SNX18: variants seen among roughly 807,000 people sequenced by gnomAD.
SNX18 encodes sorting nexin 18, also known as sorting nexin-18.
In SNX18, 35 loss-of-function variants were observed where a neutral mutation model predicts 48.7. The observed-to-expected ratio is 0.72, with a 90% confidence interval of 0.55 to 0.95. The LOEUF is 0.95. SNX18 is among the 40% of genes least tolerant of loss of function. The pLI is 0.00. For missense variants in SNX18, 824 were observed against 871.0 expected, an observed-to-expected ratio of 0.95 and a Z score of 0.68; for synonymous variants, 492 against 384.7, an observed-to-expected ratio of 1.28 and a Z score of -3.26.
chr5:54,575,577 G>A, the SNX18 span, among the ~76,000 whole-genome samples: 1 of 151,912 alleles, frequency 6.6e-6, no homozygotes, highest in Non-Finnish European at 1.5e-5. Flanking sequence ...TCTTGGTCAG[G>A]CTGGTCTCAA....
chr5:54,585,480 T>G, the SNX18 span, among the ~76,000 whole-genome samples: 1 of 152,200 alleles, frequency 6.6e-6, no homozygotes, highest in Admixed American at 6.5e-5. Flanking sequence ...GAGGCCTGGT[T>G]CCAGCCTGCT....
At chr5:54,637,014 G>A in the SNX18 span, among the ~76,000 whole-genome samples, 1 of 152,182 alleles carries the variant, frequency 6.6e-6, no homozygotes, top group Non-Finnish European at 1.5e-5. Flanking sequence ...AAGTTTAAGA[G>A]ACTAATGAGG....
chr5:54,531,428 A>G (rs1762251872), intron 1 of SNX18, among the ~76,000 whole-genome samples: 1 of 151,986 alleles, frequency 6.6e-6, no homozygotes. Context: ...TTTTTCTTTT[A>G]TTGTGTTTTT....
At chr5:54,611,330 G>T in the SNX18 span, among the ~76,000 whole-genome samples, 3 of 152,138 alleles carry the variant, frequency 2.0e-5, no homozygotes, top group Middle Eastern at 6.8e-3. Context: ...TGCCCAAGAT[G>T]GTCCTTTCCC....
chr5:54,520,826 C>G (rs1359833220), intron 1 of SNX18: 3 of 167,072 alleles, frequency 1.8e-5, no homozygotes, highest in Non-Finnish European at 2.9e-5. Flanking sequence ...GGAGAATGAT[C>G]AAACGTTTTC....
At chr5:54,558,003 G>A in the SNX18 span, among the ~76,000 whole-genome samples, 3 of 152,088 alleles carry the variant, frequency 2.0e-5, no homozygotes, top group African/African-American at 7.3e-5. Context: ...CAAAGTGCTG[G>A]GATTATAGGT....
the SNX18 span, among the ~76,000 whole-genome samples, chr5:54,564,433 CT>C: frequency 6.6e-6 from 1 of 152,100 alleles, no homozygotes; most frequent in South Asian, 2.1e-4. Flanking sequence ...ACTTCTTTGA[CT>C]AAGTTTATCA....
At chr5:54,631,978 C>T in the SNX18 span, among the ~76,000 whole-genome samples, 2 of 152,196 alleles carry the variant, frequency 1.3e-5, no homozygotes, top group African/African-American at 2.4e-5. Flanking sequence ...GAGAACTGTA[C>T]TCCCACCCCC....
the SNX18 span, among the ~76,000 whole-genome samples, chr5:54,635,786 TCTG>T: frequency 6.6e-6 from 1 of 152,240 alleles, no homozygotes; most frequent in Admixed American, 6.5e-5. Flanking sequence ...GATTTAATGC[TCTG>T]CTGCTGCCAT....
chr5:54,623,899 G>C, the SNX18 span, among the ~76,000 whole-genome samples: 1 of 152,160 alleles, frequency 6.6e-6, no homozygotes, highest in East Asian at 1.9e-4. Context: ...TATGGCTTCA[G>C]CATGTAGAAC....
chr5:54,521,890 A>G (rs958878521), intron 1 of SNX18, among the ~76,000 whole-genome samples: 1 of 152,144 alleles, frequency 6.6e-6, no homozygotes, highest in African/African-American at 2.4e-5. Context: ...TTTAAATTAT[A>G]GAACTGGATT....
the SNX18 span, among the ~76,000 whole-genome samples, chr5:54,647,452 A>G: frequency 5.3e-5 from 8 of 152,190 alleles, no homozygotes; most frequent in African/African-American, 1.9e-4. Context: ...CACCTAGAGG[A>G]GAGGAAAGAA....
chr5:54,529,536 G>C (rs1762213499), intron 1 of SNX18, among the ~76,000 whole-genome samples: 1 of 152,160 alleles, frequency 6.6e-6, no homozygotes, highest in Non-Finnish European at 1.5e-5. Flanking sequence ...CCCTTGACTT[G>C]GATGACAAGC....
chr5:54,525,459 C>A (rs1762113591), intron 1 of SNX18, among the ~76,000 whole-genome samples: 1 of 152,096 alleles, frequency 6.6e-6, no homozygotes. Context: ...AACCTATTGC[C>A]ACCAGAATTG....
Position 54,518,974 on chromosome 5 carries a change from C to G in SNX18, c.1022C>G (p.Thr341Ser), listed in dbSNP as rs1761948827. The change falls in exon 1 of 2, where the codon ACC becomes AGC. Residue 341 changes from threonine (T) to serine (S), a missense_variant. Physicochemically the swap from Thr to Ser is moderately conservative, Grantham distance 58. Coordinates refer to ENST00000381410, the MANE Select transcript of SNX18 (RefSeq NM_001102575.2). ...CCCCACCTGCCCGAGAAGCAGGCCA[C>G]CGGCCGCTTCGAGGAGGACTTCATC... is the stretch of plus-strand genomic sequence containing the variant. The part of the protein sequence containing the change: ...SVPHLPEKQA[T>S]GRFEEDFISK... 3 of 1,613,618 alleles carry G rather than the reference C, an allele frequency of 1.9e-6. No individual in the cohort carries two copies. Among genetic ancestry groups the G allele is most frequent in the Non-Finnish European group, 2.5e-6 (3 of 1,179,978 alleles).
chr5:54,580,373 T>C, the SNX18 span, among the ~76,000 whole-genome samples: 1 of 152,224 alleles, frequency 6.6e-6, no homozygotes, highest in African/African-American at 2.4e-5. Context: ...ATTTATTAAC[T>C]AAGAATGAGG....
In SNX18 at chr5:54,543,496, T is replaced by G. The variant is rs769963006; in HGVS notation, c.*64T>G. On this transcript the variant is annotated 3_prime_UTR_variant, in exon 2 of 2. Coordinates refer to ENST00000381410, the MANE Select transcript of SNX18 (RefSeq NM_001102575.2). ...ATAATTTCTACAGCAGAATAAAAAC[T>G]GCTGTCAAAGAGCTATTGCCAGCTA... The G allele has an allele frequency of 1.3e-6, 2 of 1,566,838 alleles. No individual in the cohort carries two copies.
chr5:54,607,427 CT>C, the SNX18 span, among the ~76,000 whole-genome samples: 1 of 152,246 alleles, frequency 6.6e-6, no homozygotes, highest in South Asian at 2.1e-4. Flanking sequence ...TTTTCACACT[CT>C]TTCGATGTCT....
the SNX18 span, among the ~76,000 whole-genome samples, chr5:54,572,635 G>T: frequency 6.6e-6 from 1 of 150,574 alleles, no homozygotes; most frequent in African/African-American, 2.4e-5. Context: ...TATAAATGTT[G>T]CGTTCTATTT....
Sources: gnomAD v4.1 joint callset for allele counts (sites outside exome capture counted in the v4.1 genomes callset) on GRCh38, gnomAD v4.1.1 for gene constraint, MANE v1.5 for transcripts, NCBI Gene and HGNC (gene_info 2026-07-23, HGNC 2026-07-21) for gene names.